CACNA2D1: variants seen among roughly 807,000 people sequenced by gnomAD.
CACNA2D1 encodes the protein voltage-dependent calcium channel subunit alpha-2/delta-1.
CACNA2D1 carries 53 observed loss-of-function variants against 171.5 expected under a neutral mutation model. The ratio of observed to expected loss-of-function variants is 0.31; its 90% CI spans 0.25 to 0.39. CACNA2D1 has a LOEUF of 0.39. Among genes scored for constraint, CACNA2D1 ranks in the 10% least tolerant of loss-of-function variants. CACNA2D1 has a pLI of 1.00. For synonymous variants in CACNA2D1, 442 were observed against 443.1 expected (o/e 1.00, Z 0.03); for missense variants, 903 against 1,299.8 (o/e 0.69, Z 4.69).
At chr7:82,077,759 T>TAAAAAA (rs10596724) in intron 7 of CACNA2D1, among the ~76,000 whole-genome samples, 1 of 145,128 alleles carries the variant, frequency 6.9e-6, no homozygotes, top group Non-Finnish European at 1.5e-5. Flanking sequence ...AATGTTAAAG[T>TAAAAAA]AAAAAAAAAA....
rs149799216 is a variant in CACNA2D1, at chr7:82,319,930, G to A, written c.294+15205C>T. Among the ~76,000 whole-genome samples the A allele has an allele frequency of 2.4e-3, 366 of 152,260 alleles. 3 individuals carry two copies. Among genetic ancestry groups the A allele is most frequent in the African/African-American group, 8.3e-3 (345 of 41,550 alleles). ...CTGGGCCTTGACAGCGTCAGCTCCC[G>A]TAGAATACAAGGACTGCCAACAGCA... On this transcript the variant is annotated intron_variant, in intron 3 of 38. Transcript: ENST00000356860.
intron 6 of CACNA2D1, among the ~76,000 whole-genome samples, chr7:82,092,038 T>A (rs568662458): frequency 1.3e-5 from 2 of 152,296 alleles, no homozygotes; most frequent in East Asian, 1.9e-4. Flanking sequence ...ACGGTGCACA[T>A]CTCCCTAAGT....
intron 1 of CACNA2D1, among the ~76,000 whole-genome samples, chr7:82,425,597 G>A (rs915155779): frequency 4.7e-5 from 7 of 148,566 alleles, no homozygotes; most frequent in African/African-American, 1.5e-4. Flanking sequence ...GCTGGAGTGC[G>A]GCTGCTGGAT....
At chr7:82,055,971 T>A (rs1179495966) in intron 10 of CACNA2D1, among the ~76,000 whole-genome samples, 12 of 50,166 alleles carry the variant, frequency 2.4e-4, no homozygotes, top group Non-Finnish European at 3.8e-4. Context: ...AAGGAAAGAA[T>A]CCCAAAAGGT....
At chr7:82,382,647 T>C (rs1263364500) in intron 1 of CACNA2D1, among the ~76,000 whole-genome samples, 1 of 152,202 alleles carries the variant, frequency 6.6e-6, no homozygotes, top group Non-Finnish European at 1.5e-5. Flanking sequence ...TGACCTTTTA[T>C]TTGTTATTAG....
chr7:82,110,322 A>G (rs775222676), intron 6 of CACNA2D1, among the ~76,000 whole-genome samples: 24 of 152,122 alleles, frequency 1.6e-4, no homozygotes, highest in Non-Finnish European at 2.8e-4. Context: ...AGCACCTACA[A>G]TAGGATTAGT....
intron 1 of CACNA2D1, among the ~76,000 whole-genome samples, chr7:82,353,916 T>C (rs1820133232): frequency 6.6e-6 from 1 of 152,030 alleles, no homozygotes; most frequent in Non-Finnish European, 1.5e-5. Context: ...CACCCCCAAA[T>C]AGGGCACCTT....
chr7:82,120,255 T>C (rs1789562034), intron 5 of CACNA2D1, among the ~76,000 whole-genome samples: 1 of 152,130 alleles, frequency 6.6e-6, no homozygotes. Flanking sequence ...TGCATGCAAT[T>C]CTCCAATATG....
intron 6 of CACNA2D1, among the ~76,000 whole-genome samples, chr7:82,096,258 TG>T (rs763295704): frequency 6.6e-6 from 1 of 152,066 alleles, no homozygotes; most frequent in Non-Finnish European, 1.5e-5. Flanking sequence ...CATAAACAAA[TG>T]GGTGTGGCTG....
intron 2 of CACNA2D1, among the ~76,000 whole-genome samples, chr7:82,346,458 A>G (rs1414810442): frequency 6.6e-6 from 1 of 152,180 alleles, no homozygotes; most frequent in African/African-American, 2.4e-5. Context: ...AAGGTATAAT[A>G]GCCTTAGGGA....
At chr7:82,393,031 G>GGAAGGAAGGA (rs1825319205) in intron 1 of CACNA2D1, among the ~76,000 whole-genome samples, 3 of 75,836 alleles carry the variant, frequency 4.0e-5, no homozygotes, top group African/African-American at 1.7e-4. Flanking sequence ...GACAGAGAGA[G>GGAAGGAAGGA]AGGAAGGAAG....
At chr7:82,060,243 TA>T (rs1297306713) in intron 10 of CACNA2D1, among the ~76,000 whole-genome samples, 184 bp downstream of exon 10, 2 of 80,896 alleles carry the variant, frequency 2.5e-5, no homozygotes, top group Admixed American at 2.2e-4. Flanking sequence ...ATAATATGTA[TA>T]AAAAACCTTA....
chr7:82,416,107 C>T (rs1380010735), intron 1 of CACNA2D1, among the ~76,000 whole-genome samples: 11 of 151,830 alleles, frequency 7.2e-5, no homozygotes, highest in Non-Finnish European at 1.2e-4. Context: ...CCCAGCTACT[C>T]GGGAGGGTGA....
intron 4 of CACNA2D1, among the ~76,000 whole-genome samples, chr7:82,139,875 C>T (rs1263623581): frequency 6.6e-6 from 1 of 151,038 alleles, no homozygotes; most frequent in Non-Finnish European, 1.5e-5. Context: ...AATTCTGCCT[C>T]CTGGGCTCAA....
chr7:82,396,342 T>A (rs1404472027), intron 1 of CACNA2D1, among the ~76,000 whole-genome samples: 1 of 152,108 alleles, frequency 6.6e-6, no homozygotes, highest in Non-Finnish European at 1.5e-5. Context: ...AATTAAAAAA[T>A]ACATAAATAA....
intron 3 of CACNA2D1, among the ~76,000 whole-genome samples, chr7:82,219,708 T>C (rs1054224808): frequency 6.6e-6 from 1 of 152,146 alleles, no homozygotes; most frequent in Non-Finnish European, 1.5e-5. Context: ...TTTAAATTTA[T>C]ACATGCTTAA....
At chr7:82,292,987 T>A (rs1314515235) in intron 3 of CACNA2D1, among the ~76,000 whole-genome samples, 1 of 151,926 alleles carries the variant, frequency 6.6e-6, no homozygotes, top group African/African-American at 2.4e-5. Context: ...TGATTTTTTT[T>A]CTTTCTTTTC....
At chr7:82,075,469 G>T (rs1245468661) in intron 7 of CACNA2D1, among the ~76,000 whole-genome samples, 1 of 152,196 alleles carries the variant, frequency 6.6e-6, no homozygotes, top group Non-Finnish European at 1.5e-5. Flanking sequence ...TAAGTTCTAT[G>T]AGGCAAGTGT....
chr7:82,307,538 A>C (rs1813898423), intron 3 of CACNA2D1, among the ~76,000 whole-genome samples: 1 of 150,854 alleles, frequency 6.6e-6, no homozygotes, highest in Admixed American at 6.6e-5. Context: ...ATAAATTTAT[A>C]ATTCTTATAA....
Sources: allele counts gnomAD v4.1 joint callset (sites outside exome capture counted in the v4.1 genomes callset), GRCh38; gene constraint gnomAD v4.1.1; transcripts MANE v1.5; gene names NCBI Gene and HGNC (gene_info 2026-07-23, HGNC 2026-07-21).